LMO7: variants seen among roughly 807,000 people sequenced by gnomAD.
LMO7 encodes the protein LIM domain 7.
A neutral mutation model predicts 206.5 loss-of-function variants in LMO7; 120 were observed. The ratio of observed to expected loss-of-function variants is 0.58; its 90% CI spans 0.50 to 0.68. The LOEUF (loss-of-function observed/expected upper bound fraction) is 0.68. Among genes scored for constraint, LMO7 ranks in the 30% least tolerant of loss-of-function variants. LMO7 has a pLI of 0.00. For missense variants in LMO7, 1,959 were observed against 1,957.9 expected, an observed-to-expected ratio of 1.00 and a Z score of -0.01; for synonymous variants, 706 against 681.5, an observed-to-expected ratio of 1.04 and a Z score of -0.56.
chr13:75,713,663 G>T (rs2043299722), intron 2 of LMO7, among the ~76,000 whole-genome samples: 1 of 152,148 alleles, frequency 6.6e-6, no homozygotes, highest in African/African-American at 2.4e-5. Context: ...GATGATTGGA[G>T]TGGTAGATTT....
At chr13:75,838,815 G>T (rs1051662508) in intron 20 of LMO7, among the ~76,000 whole-genome samples, 2 of 152,154 alleles carry the variant, frequency 1.3e-5, no homozygotes, top group African/African-American at 2.4e-5. Context: ...CTCACAATGT[G>T]CTGTGCATGT....
At chr13:75,804,075 G>A in intron 7 of LMO7, 2 of 499,140 alleles carry the variant, frequency 4.0e-6, no homozygotes, top group Non-Finnish European at 3.5e-6. Flanking sequence ...GCCTACAGCA[G>A]CAAAAGAATG....
chr13:75,713,002 C>G (rs2043240407), intron 1 of LMO7, among the ~76,000 whole-genome samples, 180 bp from the exon 2 acceptor site: 1 of 152,124 alleles, frequency 6.6e-6, no homozygotes, highest in Admixed American at 6.5e-5. Flanking sequence ...TAAACTATCT[C>G]TTTGTAATAT....
At chr13:75,659,047 A>C (rs1381467032) in intron 1 of LMO7, among the ~76,000 whole-genome samples, 1 of 151,410 alleles carries the variant, frequency 6.6e-6, no homozygotes, top group Non-Finnish European at 1.5e-5. Context: ...CTTTCCTTCC[A>C]CTCATTATTT....
chr13:75,836,221 AT>A (rs1322851254), intron 18 of LMO7, among the ~76,000 whole-genome samples, 175 bp from the exon 19 acceptor site: 1 of 152,232 alleles, frequency 6.6e-6, no homozygotes, highest in Non-Finnish European at 1.5e-5. Context: ...TGCCACAAAT[AT>A]TGAAGTATAA....
In LMO7 at chr13:75,835,164, AC is replaced by A. The variant is rs776801028; in HGVS notation, c.3227-67del. On this transcript the variant is annotated intron_variant, in intron 17 of 30. Transcript: ENST00000377534. ...ATGTGCCAATCAGACTGGGGCAAAG[AC>A]CAACCTTCCCTGCCATTTATACGGC... The A allele has an allele frequency of 2.5e-6, 4 of 1,594,578 alleles. No homozygotes were observed. In the Admixed American group the frequency reaches 7.1e-5, roughly 28 times the overall value.
chr13:75,781,173 T>A (rs1363821595), intron 4 of LMO7, among the ~76,000 whole-genome samples: 5 of 143,636 alleles, frequency 3.5e-5, no homozygotes, highest in African/African-American at 7.6e-5. Flanking sequence ...CATGTGCACA[T>A]TGTGCAGGTT....
At chr13:75,687,595 T>A (rs1178028811) in intron 1 of LMO7, among the ~76,000 whole-genome samples, 2 of 152,180 alleles carry the variant, frequency 1.3e-5, no homozygotes, top group African/African-American at 4.8e-5. Context: ...TATATAGCAC[T>A]TGTTATGTAT....
At chr13:75,698,651 C>A (rs2042063740) in intron 1 of LMO7, among the ~76,000 whole-genome samples, 1 of 147,326 alleles carries the variant, frequency 6.8e-6, no homozygotes, top group African/African-American at 2.5e-5. Flanking sequence ...GTACAGGAAT[C>A]ATTTAAATAG....
chr13:75,727,141 G>T, intron 3 of LMO7, 43 bp downstream of exon 3: 2 of 1,284,776 alleles, frequency 1.6e-6, no homozygotes, highest in South Asian at 1.2e-5. Context: ...ATTTGTCTTT[G>T]AAATGTAAAG....
chr13:75,788,751 G>A (rs1464248147), intron 4 of LMO7: 1 of 152,240 alleles, frequency 6.6e-6, no homozygotes. Flanking sequence ...TATCTTGTGA[G>A]CCCAGCTCTT....
chr13:75,735,361 G>GTA (rs1367341230), intron 3 of LMO7, among the ~76,000 whole-genome samples: 1 of 151,194 alleles, frequency 6.6e-6, no homozygotes, highest in Admixed American at 6.6e-5. Flanking sequence ...GTGTGTATTT[G>GTA]TATACACACA....
chr13:75,715,960 A>G (rs556121222), intron 2 of LMO7, among the ~76,000 whole-genome samples: 8 of 152,320 alleles, frequency 5.3e-5, no homozygotes, highest in Non-Finnish European at 1.2e-4. Context: ...AGAGATCCCA[A>G]GTTTTAGGTG....
chr13:75,850,973 C>T (rs1414274723), intron 27 of LMO7, among the ~76,000 whole-genome samples: 1 of 152,162 alleles, frequency 6.6e-6, no homozygotes, highest in African/African-American at 2.4e-5. Flanking sequence ...GCATATGGGC[C>T]TCTCCACATA....
At chr13:75,644,247 T>C (rs1346542308) in intron 1 of LMO7, among the ~76,000 whole-genome samples, 1 of 152,182 alleles carries the variant, frequency 6.6e-6, no homozygotes, top group Non-Finnish European at 1.5e-5. Context: ...ACATATCTTA[T>C]AATGGACTAT....
At chr13:75,831,875 C>T (rs1252701152) in intron 15 of LMO7, among the ~76,000 whole-genome samples, 1 of 152,122 alleles carries the variant, frequency 6.6e-6, no homozygotes, top group African/African-American at 2.4e-5. Context: ...CAAATCACAT[C>T]CACACCATAG....
chr13:75,704,033 G>A (rs78842133), intron 1 of LMO7, among the ~76,000 whole-genome samples: 4 of 152,238 alleles, frequency 2.6e-5, no homozygotes, highest in East Asian at 3.9e-4. Context: ...GATGTGTTTT[G>A]TGGAGTCATG....
chr13:75,811,624 G>C (rs1360641210), intron 11 of LMO7, among the ~76,000 whole-genome samples: 2 of 152,202 alleles, frequency 1.3e-5, no homozygotes, highest in African/African-American at 4.8e-5. Context: ...GTCTGAGACT[G>C]TTAATTTCTG....
chr13:75,855,516 C>A, intron 29 of LMO7, 148 bp downstream of exon 29: 1 of 503,310 alleles, frequency 2.0e-6, no homozygotes, highest in Non-Finnish European at 3.6e-6. Flanking sequence ...AAATTGCTTG[C>A]TCCTCCCTAG....
Sources: allele counts gnomAD v4.1 joint callset (sites outside exome capture counted in the v4.1 genomes callset), GRCh38; gene constraint gnomAD v4.1.1; transcripts MANE v1.5; gene names NCBI Gene and HGNC (gene_info 2026-07-23, HGNC 2026-07-21).